The following CMTM4 variants were observed in gnomAD, a reference collection of about 807,000 sequenced individuals.
CMTM4 encodes the protein CKLF-like MARVEL transmembrane domain-containing protein 4.
A neutral mutation model predicts 19.0 loss-of-function variants in CMTM4; 8 were observed. That is an observed-to-expected ratio of 0.42 (90% CI 0.25 to 0.76). The LOEUF is 0.76. Among genes scored for constraint, CMTM4 ranks in the 30% least tolerant of loss-of-function variants. The pLI, the probability that CMTM4 is intolerant of heterozygous loss-of-function variation, is 0.27. For missense variants in CMTM4, 228 were observed against 290.2 expected, an observed-to-expected ratio of 0.79 and a Z score of 1.56; for synonymous variants, 106 against 121.1, an observed-to-expected ratio of 0.88 and a Z score of 0.82.
At chr16:66,683,286 CTTTT>C (rs781263895) in intron 1 of CMTM4, among the ~76,000 whole-genome samples, 14 of 78,840 alleles carry the variant, frequency 1.8e-4, no homozygotes, top group Non-Finnish European at 3.1e-4. Context: ...TTTTTCTTTT[CTTTT>C]TTTTTTTTTT....
In CMTM4 at chr16:66,618,968, G is replaced by C. The variant is rs905065546; in HGVS notation, c.*3090C>G. On this transcript the variant is annotated 3_prime_UTR_variant, in exon 4 of 4. Coordinates refer to ENST00000394106, the MANE Select transcript of CMTM4 (RefSeq NM_181521.3). ...CAGCTCACATTGCCAAGGAAGATGT[G>C]TATTGGGGCTGTGCAGGCTGCCACA... The C allele has an allele frequency of 5.1e-6, 5 of 985,388 alleles. No individual in the cohort carries two copies. Among genetic ancestry groups the C allele is most frequent in the Non-Finnish European group, 6.0e-6 (5 of 829,964 alleles). 61.0% of individuals were successfully genotyped at this position (985,388 alleles called of 1,614,324 possible). A position where few individuals can be genotyped will look rare whatever the true frequency, so the allele number is the denominator to read the frequency against.
At chr16:66,682,675 G>A (rs957347426) in intron 1 of CMTM4, among the ~76,000 whole-genome samples, 1 of 151,944 alleles carries the variant, frequency 6.6e-6, no homozygotes, top group African/African-American at 2.4e-5. Flanking sequence ...ACTGAAGATC[G>A]CCAGCCTCCC....
chr16:66,661,672 G>A (rs947157586), intron 1 of CMTM4, among the ~76,000 whole-genome samples: 2 of 152,146 alleles, frequency 1.3e-5, no homozygotes, highest in African/African-American at 4.8e-5. Context: ...GCTCACATCT[G>A]TAATCCCAGC....
At chr16:66,658,731 C>A (rs1385742111) in intron 1 of CMTM4, among the ~76,000 whole-genome samples, 1 of 152,170 alleles carries the variant, frequency 6.6e-6, no homozygotes, top group East Asian at 1.9e-4. Flanking sequence ...GCCAGTACTC[C>A]TCCCACCCCC....
Position 66,618,042 on chromosome 16 carries a change from G to A in CMTM4, c.*4016C>T. The A allele has an allele frequency of 1.0e-6, 1 of 985,594 alleles. No homozygotes were observed. The highest frequency in any genetic ancestry group is 1.2e-6 in the Non-Finnish European group (1 of 830,054). 61.1% of individuals were successfully genotyped at this position (985,594 alleles called of 1,614,324 possible). A position where few individuals can be genotyped will look rare whatever the true frequency, so the allele number is the denominator to read the frequency against. Reference sequence around the variant, plus strand: ...TATCTCCCAGACCTGGCCGTGTGTGGACCTCACCAGCCTACCAAGCTGTTG... The same window carrying A: ...TATCTCCCAGACCTGGCCGTGTGTGAACCTCACCAGCCTACCAAGCTGTTG... On this transcript the variant is annotated 3_prime_UTR_variant, in exon 4 of 4. Coordinates refer to ENST00000394106, the MANE Select transcript of CMTM4 (RefSeq NM_181521.3).
At chr16:66,685,398 C>T (rs2017012387) in intron 1 of CMTM4, among the ~76,000 whole-genome samples, 1 of 151,800 alleles carries the variant, frequency 6.6e-6, no homozygotes, top group South Asian at 2.1e-4. Context: ...GGGAAGACTG[C>T]TGTGGGGGAA....
At chr16:66,612,537 T>G, downstream of CMTM4, 1 of 1,524,924 alleles carries the variant, frequency 6.6e-7, no homozygotes, top group Non-Finnish European at 9.0e-7. The surrounding 1 kb of genome is among the most constrained non-coding windows in gnomAD (Gnocchi z 6.0). Flanking sequence ...CCAGCTGTGC[T>G]TCCCCAGAGA....
chr16:66,668,787 T>C (rs1035810496), intron 1 of CMTM4, among the ~76,000 whole-genome samples: 2 of 152,158 alleles, frequency 1.3e-5, no homozygotes, highest in African/African-American at 4.8e-5. Context: ...AATTAATTTC[T>C]CATCTGCGTC....
At chr16:66,638,134 C>G (rs952491176) in intron 1 of CMTM4, among the ~76,000 whole-genome samples, 1 of 152,210 alleles carries the variant, frequency 6.6e-6, no homozygotes, top group African/African-American at 2.4e-5. Context: ...ATCCCACCCT[C>G]TCCCAGGAAA....
chr16:66,665,727 G>C (rs541527632), intron 1 of CMTM4, among the ~76,000 whole-genome samples: 35 of 152,010 alleles, frequency 2.3e-4, no homozygotes, highest in Non-Finnish European at 4.7e-4. Flanking sequence ...AGTAAGCAGA[G>C]ATTATGCTAC....
At chr16:66,688,062 C>A (rs992910490) in intron 1 of CMTM4, among the ~76,000 whole-genome samples, 3 of 152,106 alleles carry the variant, frequency 2.0e-5, no homozygotes, top group African/African-American at 7.2e-5. Context: ...CAGGTGCCAG[C>A]AGATTCAGTA....
intron 2 of CMTM4, among the ~76,000 whole-genome samples, chr16:66,631,545 A>T (rs2015871816): frequency 6.6e-6 from 1 of 152,194 alleles, no homozygotes; most frequent in South Asian, 2.1e-4. Context: ...TCTGTGTAGA[A>T]AGAAGTAGAC....
the CMTM4 span, chr16:66,609,588 G>C: frequency 4.9e-5 from 76 of 1,535,858 alleles, no homozygotes; most frequent in African/African-American, 3.0e-4. The surrounding 1 kb of genome is among the most constrained non-coding windows in gnomAD (Gnocchi z 4.4). Flanking sequence ...CCCTCATTTA[G>C]GGTGGGACCT....
chr16:66,600,146 G>GGT, the CMTM4 span, among the ~76,000 whole-genome samples: 7 of 125,778 alleles, frequency 5.6e-5, no homozygotes, highest in Admixed American at 8.2e-5. Flanking sequence ...GTTTTTTTTT[G>GGT]TTTTTTTTTT....
At chr16:66,635,598 C>T (rs998394625) in intron 2 of CMTM4, among the ~76,000 whole-genome samples, 4 of 152,198 alleles carry the variant, frequency 2.6e-5, no homozygotes, top group Admixed American at 2.6e-4. Context: ...GTCTGAGGCG[C>T]TCTCCTCCTG....
intron 2 of CMTM4, among the ~76,000 whole-genome samples, chr16:66,626,131 A>C (rs934266379): frequency 6.6e-6 from 1 of 152,244 alleles, no homozygotes; most frequent in African/African-American, 2.4e-5. Context: ...TAACAAGTCA[A>C]CAGAATAAAA....
At chr16:66,605,101 T>G in the CMTM4 span, 1 of 768,096 alleles carries the variant, frequency 1.3e-6, no homozygotes, top group Non-Finnish European at 1.8e-6. This position sits in a 1 kb window ranked among gnomAD's most constrained non-coding sequence, Gnocchi z 4.6. Flanking sequence ...CTCGGGCGCC[T>G]GGCGAAGTTG....
intron 1 of CMTM4, among the ~76,000 whole-genome samples, chr16:66,639,829 C>T (rs2016066986): frequency 6.6e-6 from 1 of 152,050 alleles, no homozygotes; most frequent in Non-Finnish European, 1.5e-5. Flanking sequence ...ACCAGCATGG[C>T]CAACATGACA....
intron 1 of CMTM4, among the ~76,000 whole-genome samples, chr16:66,682,293 C>A (rs2016929959): frequency 6.6e-6 from 1 of 152,146 alleles, no homozygotes; most frequent in South Asian, 2.1e-4. Flanking sequence ...ATACACATTT[C>A]TAGGGCTTGG....
Sources: gnomAD v4.1 joint callset for allele counts (sites outside exome capture counted in the v4.1 genomes callset) on GRCh38, gnomAD v4.1.1 for gene constraint, Gnocchi (gnomAD v3.1) non-coding constraint, MANE v1.5 for transcripts, NCBI Gene and HGNC (gene_info 2026-07-23, HGNC 2026-07-21) for gene names.